PRKCE: variants seen among roughly 807,000 people sequenced by gnomAD.
PRKCE encodes the protein protein kinase C epsilon, also known as protein kinase C epsilon type.
In PRKCE, 16 loss-of-function variants were observed where a neutral mutation model predicts 85.4. The ratio of observed to expected loss-of-function variants is 0.19; its 90% CI spans 0.13 to 0.28. The LOEUF (loss-of-function observed/expected upper bound fraction) is 0.28. Ranked by LOEUF, PRKCE falls within the 10% of genes least tolerant of loss-of-function variation. PRKCE has a pLI of 1.00. For missense variants in PRKCE, 573 were observed against 975.2 expected (o/e 0.59, Z 5.49); for synonymous variants, 388 against 371.5 (o/e 1.04, Z -0.51).
At chr2:45,674,242 A>C (rs1016589250) in intron 1 of PRKCE, among the ~76,000 whole-genome samples, 1 of 152,080 alleles carries the variant, frequency 6.6e-6, no homozygotes, top group Non-Finnish European at 1.5e-5. Flanking sequence ...AGGATTCCTC[A>C]CTTCCTCTTG....
At chr2:45,661,953 G>A (rs141761696) in intron 1 of PRKCE, among the ~76,000 whole-genome samples, 4 of 152,154 alleles carry the variant, frequency 2.6e-5, no homozygotes, top group African/African-American at 9.6e-5. Flanking sequence ...TCAGACTATG[G>A]CATCTTTTGT....
intron 8 of PRKCE, among the ~76,000 whole-genome samples, chr2:46,007,100 ACT>A (rs1156917511): frequency 2.0e-5 from 3 of 152,186 alleles, no homozygotes; most frequent in Admixed American, 1.3e-4. Flanking sequence ...GATACCTGTG[ACT>A]CTGCAGAATT....
In PRKCE at chr2:46,086,300, G is replaced by T; in HGVS notation, c.1530G>T (p.Arg510=). ...RSRKFDEPRS[R]FYAAEVTSAL... is the part of the protein sequence containing the mutation. ...GAAAATTCGACGAGCCTCGTTCACG[G>T]TTCTATGCTGCAGAGGTCACATCGG... The change falls in exon 11 of 15, where the codon CGG becomes CGT. Residue 510 remains arginine (R), a synonymous_variant. Transcript: ENST00000306156. 1 of 1,599,702 alleles carries T rather than the reference G, an allele frequency of 6.3e-7. No individual in the cohort carries two copies. Among genetic ancestry groups the T allele is most frequent in the Non-Finnish European group, 8.5e-7 (1 of 1,179,950 alleles).
intron 2 of PRKCE, among the ~76,000 whole-genome samples, chr2:45,935,815 ATTCT>A (rs1393841357): frequency 5.3e-5 from 8 of 151,784 alleles, no homozygotes; most frequent in Admixed American, 2.0e-4. Context: ...GCTTAGCTGA[ATTCT>A]TGATAGAAGG....
At chr2:46,147,574 G>A (rs974817017) in intron 12 of PRKCE, among the ~76,000 whole-genome samples, 15 of 152,190 alleles carry the variant, frequency 9.9e-5, no homozygotes, top group South Asian at 4.1e-4. Flanking sequence ...TCTGGCCTTC[G>A]TGCCCACCGT....
intron 2 of PRKCE, among the ~76,000 whole-genome samples, chr2:45,891,020 G>A (rs1328272674): frequency 3.3e-5 from 5 of 152,178 alleles, no homozygotes; most frequent in Non-Finnish European, 5.9e-5. Context: ...AGGCTGTGTC[G>A]TCTGAGTATT....
At chr2:45,719,012 G>C (rs1369797983) in intron 1 of PRKCE, among the ~76,000 whole-genome samples, 1 of 152,252 alleles carries the variant, frequency 6.6e-6, no homozygotes, top group Admixed American at 6.5e-5. Context: ...GACATTCAGT[G>C]TTGGCCAAAT....
intron 11 of PRKCE, among the ~76,000 whole-genome samples, chr2:46,129,332 C>T (rs1030587644): frequency 1.3e-5 from 2 of 152,256 alleles, no homozygotes; most frequent in South Asian, 2.1e-4. Flanking sequence ...GTGCTCAGTA[C>T]GTAGCTGTTG....
chr2:46,097,325 T>C (rs1000920022), intron 11 of PRKCE, among the ~76,000 whole-genome samples: 1 of 151,960 alleles, frequency 6.6e-6, no homozygotes, highest in Non-Finnish European at 1.5e-5. Context: ...GAGACCATCC[T>C]GGCTAACGCG....
chr2:45,872,673 T>C (rs900250589), intron 2 of PRKCE, among the ~76,000 whole-genome samples: 2 of 152,124 alleles, frequency 1.3e-5, no homozygotes, highest in African/African-American at 2.4e-5. Flanking sequence ...CAGAAGTGGA[T>C]TGGAGATAGA....
chr2:45,701,920 C>A (rs1190235953), intron 1 of PRKCE, among the ~76,000 whole-genome samples: 2 of 152,152 alleles, frequency 1.3e-5, no homozygotes, highest in African/African-American at 4.8e-5. Context: ...GGGCCAGGCG[C>A]GGTGGCTCAC....
rs576671040 is a variant in PRKCE, at chr2:45,814,270, C to T, written c.349-28730C>T. ...CTTGACGGATTTGATCAGTGCAGCCCATCAAGAATGATAAGGAGCCATTTT... is the reference window on the plus strand; with the variant it reads ...CTTGACGGATTTGATCAGTGCAGCCTATCAAGAATGATAAGGAGCCATTTT... On this transcript the variant is annotated intron_variant, in intron 1 of 14. Transcript: ENST00000306156. 9.2e-5 allele frequency among the ~76,000 whole-genome samples: 14 copies of T among 152,314 alleles called. No individual in the cohort carries two copies. In the East Asian group the frequency reaches 2.7e-3, roughly 29 times the overall value.
At chr2:45,885,002 T>TATATA (rs1553440407) in intron 2 of PRKCE, among the ~76,000 whole-genome samples, 36 of 97,632 alleles carry the variant, frequency 3.7e-4, no homozygotes, top group African/African-American at 4.6e-4. Flanking sequence ...TATATATATA[T>TATATA]TTGTTGTTGT....
chr2:46,162,831 G>T (rs994168853), intron 14 of PRKCE, among the ~76,000 whole-genome samples: 9 of 152,186 alleles, frequency 5.9e-5, no homozygotes, highest in African/African-American at 2.2e-4. Flanking sequence ...AAACGAGAGT[G>T]GTCCACATCT....
intron 11 of PRKCE, among the ~76,000 whole-genome samples, chr2:46,132,952 C>T (rs1004900643): frequency 6.6e-6 from 1 of 152,192 alleles, no homozygotes; most frequent in African/African-American, 2.4e-5. Context: ...CCTACATCCC[C>T]GTCAAATTGT....
intron 1 of PRKCE, among the ~76,000 whole-genome samples, chr2:45,660,335 G>C (rs549442306): frequency 1.1e-4 from 17 of 152,278 alleles, no homozygotes; most frequent in African/African-American, 3.9e-4. Context: ...TCTTATGAGA[G>C]AATGCTATAT....
At chr2:46,006,438 T>C (rs761982212) in intron 8 of PRKCE, among the ~76,000 whole-genome samples, 2 of 152,052 alleles carry the variant, frequency 1.3e-5, no homozygotes, top group Non-Finnish European at 1.5e-5. Context: ...GGAGCCAAAC[T>C]CCAGATCTAG....
chr2:45,859,564 G>A (rs762797704), intron 2 of PRKCE, among the ~76,000 whole-genome samples: 12 of 152,126 alleles, frequency 7.9e-5, no homozygotes, highest in Non-Finnish European at 1.3e-4. Context: ...CTGATTATTC[G>A]TGATGTTGAG....
intron 14 of PRKCE, among the ~76,000 whole-genome samples, chr2:46,172,006 A>G (rs984487884): frequency 6.6e-6 from 1 of 152,254 alleles, no homozygotes; most frequent in East Asian, 1.9e-4. Flanking sequence ...TTTGCTGTAC[A>G]GCAGCAGCAG....
Sources: gnomAD v4.1 joint callset for allele counts (sites outside exome capture counted in the v4.1 genomes callset) on GRCh38, gnomAD v4.1.1 for gene constraint, MANE v1.5 for transcripts, NCBI Gene and HGNC (gene_info 2026-07-23, HGNC 2026-07-21) for gene names.